The following HELQ variants were observed in gnomAD, a reference collection of about 807,000 sequenced individuals.
HELQ encodes helicase POLQ-like.
A neutral mutation model predicts 111.6 loss-of-function variants in HELQ; 77 were observed. The ratio of observed to expected loss-of-function variants is 0.69; its 90% CI spans 0.57 to 0.83. HELQ has a LOEUF of 0.83. Among genes scored for constraint, HELQ ranks in the 40% least tolerant of loss-of-function variants. The pLI is 0.00. For missense variants in HELQ, 1,200 were observed against 1,288.5 expected (o/e 0.93, Z 1.05); for synonymous variants, 438 against 454.7 (o/e 0.96, Z 0.47).
chr4:83,427,489 TAAA>T, intron 13 of HELQ, 71 bp downstream of exon 13: 1 of 1,312,360 alleles, frequency 7.6e-7, no homozygotes, highest in Non-Finnish European at 1.0e-6. Context: ...GCCTCATCTC[TAAA>T]AAACAAAACA....
intron 2 of HELQ, among the ~76,000 whole-genome samples, chr4:83,450,936 G>A (rs887711901): frequency 7.9e-5 from 12 of 152,150 alleles, no homozygotes; most frequent in Admixed American, 2.6e-4. Context: ...TTGCCAGGTC[G>A]TATTCCTAGA....
chr4:83,427,239 ATTAAAG>A (rs1322455138), intron 13 of HELQ, among the ~76,000 whole-genome samples: 6 of 152,184 alleles, frequency 3.9e-5, no homozygotes, highest in African/African-American at 1.2e-4. Context: ...GAAAAGTAAC[ATTAAAG>A]TTAAACGAAC....
rs190461467 is a variant in HELQ, at chr4:83,426,650, G to A, written c.2677-558C>T. On this transcript the variant is annotated intron_variant, in intron 13 of 17. Transcript: ENST00000295488. ...ATGATCTCAGCTTACTGCAACCTCC[G>A]CCTCCTGGGTTCAAGCGATTCTACT... Among the ~76,000 whole-genome samples the A allele has an allele frequency of 2.6e-4, 40 of 151,340 alleles. 1 individual carries two copies. The highest frequency in any genetic ancestry group is 9.2e-4 in the African/African-American group (38 of 41,322).
chr4:83,455,137 G>A, intron 1 of HELQ: 1 of 514,766 alleles, frequency 1.9e-6, no homozygotes, highest in Non-Finnish European at 3.4e-6. Flanking sequence ...TTGTACAGTA[G>A]GAGCTGCAGT....
rs375746303 is a variant in HELQ at position 83,421,683 on chromosome 4, G to T, written c.2829C>A (p.Thr943=). ...NRLYLSFVLY[T]LLKETNIWTV... ...TCCAAATGTTGGTCTCTTTGAGCAA[G>T]GTATAAAGAACAAAAGACAGATATA... The change falls in exon 15 of 18, where the codon ACC becomes ACA. Residue 943 remains threonine (T), a synonymous_variant. Coordinates refer to ENST00000295488, the MANE Select transcript of HELQ (RefSeq NM_133636.5). 1.2e-6 allele frequency: 2 copies of T among 1,613,362 alleles called. No individual in the cohort carries two copies. Among genetic ancestry groups the T allele is most frequent in the Non-Finnish European group, 1.7e-6 (2 of 1,179,528 alleles).
At chr4:83,431,142 C>A (rs190051558) in intron 11 of HELQ, among the ~76,000 whole-genome samples, 1 of 152,052 alleles carries the variant, frequency 6.6e-6, no homozygotes, top group Non-Finnish European at 1.5e-5. Flanking sequence ...ACAGGCCAGG[C>A]GCAGTGGCTC....
chr4:83,454,136 C>G (rs6830256), intron 1 of HELQ, among the ~76,000 whole-genome samples, 191 bp from the exon 2 acceptor site: 18,608 of 152,138 alleles, frequency 0.12, 3,735 homozygotes, highest in African/African-American at 0.42. Context: ...CTGGGAAGCG[C>G]AGGTTGCGGT....
chr4:83,409,975 G>T (rs1459694252), intron 17 of HELQ, among the ~76,000 whole-genome samples: 1 of 152,164 alleles, frequency 6.6e-6, no homozygotes, highest in African/African-American at 2.4e-5. Context: ...GATAGGCCGG[G>T]CATGGTGGCT....
At chr4:83,409,275 G>C (rs1023505336) in intron 17 of HELQ, among the ~76,000 whole-genome samples, 3 of 152,160 alleles carry the variant, frequency 2.0e-5, no homozygotes, top group Admixed American at 2.0e-4. Flanking sequence ...ACAAGGCTGG[G>C]CATGGTAGCT....
rs375435829 is a variant in HELQ, at chr4:83,453,329, G to A, written c.914C>T (p.Thr305Ile). The A allele has an allele frequency of 4.3e-5, 69 of 1,613,454 alleles. No individual in the cohort carries two copies. Among genetic ancestry groups the A allele is most frequent in the South Asian group, 1.3e-4 (12 of 90,928 alleles). The stretch of plus-strand genomic sequence containing the variant: ...AAGGTCATTTGATGATGACTCAACT[G>A]TTTTCTTAGCAACATTAATTTCCTC... ...LSEEINVAKK[T>I]VESSSNDLGP... The change falls in exon 2 of 18, where the codon ACA becomes ATA. Residue 305 changes from threonine to isoleucine, a missense_variant. By Grantham distance (89) the Thr-to-Ile change is moderately conservative (BLOSUM62 -1). Transcript: ENST00000295488.
At position 83,429,684 on chromosome 4, in the gene HELQ, T is replaced by C. The variant is rs376682646; in HGVS notation, c.2358A>G (p.Gln786=). ...GACTTTTTTCTTTCAATAAAACCTT[T>C]TGCTGAACACCAAAAAATGTACCAT... is the stretch of plus-strand genomic sequence containing the variant. The part of the protein sequence containing the change: ...FMNGTFFGVQ[Q]KVLLKEKSLW... The change falls in exon 12 of 18, where the codon CAA becomes CAG. Residue 786 remains glutamine (Q), a synonymous_variant. Transcript: ENST00000295488. The C allele has an allele frequency of 6.8e-6, 11 of 1,613,576 alleles. No homozygotes were observed. The highest frequency in any genetic ancestry group is 2.2e-5 in the East Asian group (1 of 44,810).
chr4:83,431,106 A>T (rs1720119660), intron 11 of HELQ, among the ~76,000 whole-genome samples: 1 of 150,118 alleles, frequency 6.7e-6, no homozygotes, highest in Admixed American at 6.6e-5. Context: ...CAGATTAAAG[A>T]AAAAACAAAC....
Position 83,431,762 on chromosome 4 carries a change from C to T in HELQ, c.2197G>A (p.Glu733Lys), listed in dbSNP as rs1337140702. The change falls in exon 11 of 18, where the codon GAG becomes AAG. Residue 733 changes from glutamate to lysine, a missense_variant. Coordinates refer to ENST00000295488, the MANE Select transcript of HELQ (RefSeq NM_133636.5). ...LQEKDKQQVL[E>K]LITKPLENCY... ...TTTTCCAATGGTTTAGTTATTAACT[C>T]CAATACCTATAAAGGTTAAAGCAAA... is the stretch of plus-strand genomic sequence containing the variant. 1.4e-6 allele frequency: 2 copies of T among 1,441,030 alleles called. No individual in the cohort carries two copies. Among genetic ancestry groups the T allele is most frequent in the Non-Finnish European group, 1.9e-6 (2 of 1,067,312 alleles). The allele number at this position is 1,441,030 out of a possible 1,614,324, so 89.3% of individuals were successfully genotyped here. A position where few individuals can be genotyped will look rare whatever the true frequency, so the allele number is the denominator to read the frequency against.
chr4:83,431,646 A>G lies in HELQ; in HGVS notation c.2295+18T>C. ...GTCTCAGATAACAGTAATAAGATAAAAAATTTAAGAAAAATACCTTCAAAC... is the reference window on the plus strand; with the variant it reads ...GTCTCAGATAACAGTAATAAGATAAGAAATTTAAGAAAAATACCTTCAAAC... On this transcript the variant is annotated intron_variant, in intron 11 of 17. Coordinates refer to ENST00000295488, the MANE Select transcript of HELQ (RefSeq NM_133636.5). The G allele has an allele frequency of 7.1e-7, 1 of 1,403,724 alleles. No individual in the cohort carries two copies. Among genetic ancestry groups the G allele is most frequent in the Non-Finnish European group, 9.8e-7 (1 of 1,020,064 alleles). 87.0% of individuals were successfully genotyped at this position (1,403,724 alleles called of 1,614,324 possible).
Position 83,455,667 on chromosome 4 carries a change from G to A in HELQ, c.27C>T (p.Arg9=). The part of the protein sequence containing the change: MDECGSRI[R]RRVSLPKRNR... The stretch of plus-strand genomic sequence containing the variant: ...TCCTTTTGGGGAGAGACACCCGCCG[G>A]CGGATGCGGGAACCACATTCATCCA... The change falls in exon 1 of 18, where the codon CGC becomes CGT. Residue 9 remains arginine, a synonymous_variant. Coordinates refer to ENST00000295488, the MANE Select transcript of HELQ (RefSeq NM_133636.5). 1 of 1,610,454 alleles carries A rather than the reference G, an allele frequency of 6.2e-7. No homozygotes were observed. The highest frequency in any genetic ancestry group is 8.5e-7 in the Non-Finnish European group (1 of 1,179,926).
rs550875754 is a variant in HELQ, at chr4:83,416,952, G to C, written c.3064-87C>G. On this transcript the variant is annotated intron_variant, in intron 16 of 17. Transcript: ENST00000295488. ...CACTTTACTGAAAAGAACAAAAACT[G>C]CATGTAAGAGACTGGGATAAAATAA... The C allele has an allele frequency of 5.0e-5, 56 of 1,112,746 alleles. 1 individual carries two copies. The highest frequency in any genetic ancestry group is 5.7e-5 in the Non-Finnish European group (44 of 776,984). The allele number at this position is 1,112,746 out of a possible 1,614,324, so 68.9% of individuals were successfully genotyped here. A position where few individuals can be genotyped will look rare whatever the true frequency, so the allele number is the denominator to read the frequency against.
chr4:83,450,187 G>A (rs1429248635), intron 2 of HELQ, among the ~76,000 whole-genome samples: 1 of 117,652 alleles, frequency 8.5e-6, no homozygotes, highest in Non-Finnish European at 1.7e-5. Flanking sequence ...ATGAAGAATA[G>A]ATGGATCTAT....
Position 83,423,210 on chromosome 4 carries a change from A to C in HELQ, c.2776-1474T>G, listed in dbSNP as rs145511309. Among the ~76,000 whole-genome samples the C allele has an allele frequency of 5.1e-3, 770 of 152,246 alleles. 18 individuals carry two copies. Among genetic ancestry groups the C allele is most frequent in the Admixed American group, 0.035 (530 of 15,280 alleles). Reference sequence around the variant, plus strand: ...CACTTTGGAAGGCTGAGGCAGGAGGATCTCTTAAGTTCAGGAGTTCAAGAC... The same window carrying C: ...CACTTTGGAAGGCTGAGGCAGGAGGCTCTCTTAAGTTCAGGAGTTCAAGAC... On this transcript the variant is annotated intron_variant, in intron 14 of 17. Transcript: ENST00000295488.
intron 8 of HELQ, among the ~76,000 whole-genome samples, chr4:83,437,330 AG>A (rs1286512286): frequency 2.6e-5 from 4 of 152,168 alleles, no homozygotes; most frequent in African/African-American, 9.7e-5. Flanking sequence ...AACTAAGGAA[AG>A]GCGAAATGCG....
Sources: gnomAD v4.1 joint callset for allele counts (sites outside exome capture counted in the v4.1 genomes callset) on GRCh38, gnomAD v4.1.1 for gene constraint, MANE v1.5 for transcripts, NCBI Gene and HGNC (gene_info 2026-07-23, HGNC 2026-07-21) for gene names.